The following DTNA variants were observed in gnomAD, a reference collection of about 807,000 sequenced individuals.
DTNA encodes the protein dystrobrevin alpha.
A neutral mutation model predicts 100.7 loss-of-function variants in DTNA; 43 were observed. The observed-to-expected ratio is 0.43, with a 90% CI of 0.33 to 0.55. The LOEUF (loss-of-function observed/expected upper bound fraction) is 0.55, where lower values mean the gene tolerates loss of function less well. Ranked by LOEUF, DTNA falls within the 20% of genes least tolerant of loss-of-function variation. The pLI is 0.04. For synonymous variants in DTNA, 349 were observed against 347.9 expected, an observed-to-expected ratio of 1.00 and a Z score of -0.04; for missense variants, 798 against 953.9, an observed-to-expected ratio of 0.84 and a Z score of 2.15.
At position 34,820,867 on chromosome 18, in the gene DTNA, C is replaced by A. The variant is rs727505085; in HGVS notation, c.953C>A (p.Pro318His). 5.0e-6 allele frequency: 8 copies of A among 1,614,012 alleles called. No homozygotes were observed. The highest frequency in any genetic ancestry group is 6.8e-6 in the Non-Finnish European group (8 of 1,180,002). ...GCTTCCAGCCGTGAACCTTTGCACC[C>A]CATGTTCCCAGATCAGCCTGAGAAG... is the stretch of plus-strand genomic sequence containing the variant. The part of the protein sequence containing the change: ...SCASSREPLH[P>H]MFPDQPEKPL... The change falls in exon 9 of 23, where the codon CCC becomes CAC. Residue 318 changes from proline to histidine, a missense_variant. This residue lies in a region of DTNA where 93 missense variants were observed against 90.5 expected (regional missense o/e 1.03). Transcript: ENST00000444659.
chr18:34,650,002 C>A (rs2060263465), intron 1 of DTNA, among the ~76,000 whole-genome samples: 2 of 151,654 alleles, frequency 1.3e-5, no homozygotes, highest in South Asian at 4.2e-4. Context: ...TAATTCCTGG[C>A]AGGTATTTCA....
intron 1 of DTNA, among the ~76,000 whole-genome samples, chr18:34,723,450 G>C (rs2085833531): frequency 6.6e-6 from 1 of 152,260 alleles, no homozygotes; most frequent in East Asian, 1.9e-4. Context: ...AGGAAATTAT[G>C]TGAAACATAA....
chr18:34,614,104 A>T (rs2054759147), intron 1 of DTNA, among the ~76,000 whole-genome samples: 1 of 152,154 alleles, frequency 6.6e-6, no homozygotes, highest in Non-Finnish European at 1.5e-5. Context: ...TGCTAAATTT[A>T]CTCTGCCTGT....
chr18:34,829,313 G>A, intron 10 of DTNA, 87 bp from the exon 11 acceptor site: 1 of 1,526,520 alleles, frequency 6.6e-7, no homozygotes, highest in South Asian at 1.2e-5. Context: ...CAATAAAGCT[G>A]TGTACACTAA....
chr18:34,881,257 C>T (rs1269801525), intron 20 of DTNA, among the ~76,000 whole-genome samples: 1 of 152,076 alleles, frequency 6.6e-6, no homozygotes, highest in African/African-American at 2.4e-5. Context: ...ATTGTCTAAA[C>T]ATGTACTTGT....
At chr18:34,635,240 T>A (rs766646090) in intron 1 of DTNA, among the ~76,000 whole-genome samples, 24 of 152,222 alleles carry the variant, frequency 1.6e-4, no homozygotes, top group Non-Finnish European at 2.8e-4. Flanking sequence ...TGTGTATATA[T>A]GACACACTTT....
chr18:34,768,070 G>T (rs1398950199), intron 3 of DTNA, among the ~76,000 whole-genome samples: 1 of 152,042 alleles, frequency 6.6e-6, no homozygotes, highest in Non-Finnish European at 1.5e-5. Context: ...ACATCACCCA[G>T]ATTACAAATA....
At chr18:34,825,571 T>C (rs895241338) in intron 9 of DTNA, among the ~76,000 whole-genome samples, 11 of 152,182 alleles carry the variant, frequency 7.2e-5, no homozygotes, top group Admixed American at 2.0e-4. Flanking sequence ...TGCCATTTGA[T>C]TGTGGAAGAA....
At chr18:34,578,528 C>T (rs924377330) in intron 1 of DTNA, among the ~76,000 whole-genome samples, 1 of 151,948 alleles carries the variant, frequency 6.6e-6, no homozygotes, top group Non-Finnish European at 1.5e-5. Flanking sequence ...GGTCCTTGGT[C>T]GTGAAATTCT....
intron 1 of DTNA, among the ~76,000 whole-genome samples, chr18:34,494,311 A>T (rs2038925705): frequency 7.3e-6 from 1 of 137,242 alleles, no homozygotes; most frequent in Non-Finnish European, 1.5e-5. Flanking sequence ...GTTGCAGTGC[A>T]CTGCGGTGCC....
At chr18:34,642,504 CCTTT>C (rs979591384) in intron 1 of DTNA, among the ~76,000 whole-genome samples, 16 of 151,768 alleles carry the variant, frequency 1.1e-4, no homozygotes, top group African/African-American at 2.9e-4. Context: ...TTCCTTCCTT[CCTTT>C]CTTTCTTTCC....
intron 1 of DTNA, among the ~76,000 whole-genome samples, chr18:34,521,746 T>G (rs1464664283): frequency 6.6e-6 from 1 of 152,186 alleles, no homozygotes; most frequent in Non-Finnish European, 1.5e-5. Flanking sequence ...CAGGTCTCTG[T>G]TCACATATCC....
chr18:34,654,524 A>G (rs1323802749), intron 1 of DTNA, among the ~76,000 whole-genome samples: 1 of 152,214 alleles, frequency 6.6e-6, no homozygotes, highest in Non-Finnish European at 1.5e-5. Context: ...TATACTCAGA[A>G]CACACGCAGT....
At chr18:34,745,982 G>T (rs2091508452) in intron 1 of DTNA, among the ~76,000 whole-genome samples, 1 of 152,116 alleles carries the variant, frequency 6.6e-6, no homozygotes, top group Non-Finnish European at 1.5e-5. Flanking sequence ...CAGCCTCTTT[G>T]TTGGGATGCC....
chr18:34,887,174 A>G (rs1381409282), intron 22 of DTNA, among the ~76,000 whole-genome samples: 2 of 152,192 alleles, frequency 1.3e-5, no homozygotes, highest in African/African-American at 2.4e-5. Flanking sequence ...CACTTTCAAC[A>G]TACAATATTA....
chr18:34,563,107 C>G (rs1390599084), intron 1 of DTNA, among the ~76,000 whole-genome samples: 1 of 152,160 alleles, frequency 6.6e-6, no homozygotes, highest in African/African-American at 2.4e-5. Flanking sequence ...TGGAACTACC[C>G]AATGTGACCT....
At chr18:34,744,515 A>G (rs1444528676) in intron 1 of DTNA, among the ~76,000 whole-genome samples, 1 of 152,180 alleles carries the variant, frequency 6.6e-6, no homozygotes. Context: ...ATTTCCTATA[A>G]CACACATAGA....
chr18:34,837,599 C>G (rs2096178821), intron 11 of DTNA, among the ~76,000 whole-genome samples: 1 of 152,120 alleles, frequency 6.6e-6, no homozygotes, highest in South Asian at 2.1e-4. Context: ...TTTGTAGCTC[C>G]ACAGCCAAGA....
chr18:34,530,272 G>A (rs1259292433), intron 1 of DTNA, among the ~76,000 whole-genome samples: 1 of 152,046 alleles, frequency 6.6e-6, no homozygotes, highest in Non-Finnish European at 1.5e-5. Context: ...GTAATGAATG[G>A]TGACACTGTA....
Sources: gnomAD v4.1 joint callset for allele counts (sites outside exome capture counted in the v4.1 genomes callset) on GRCh38, gnomAD v4.1.1 for gene constraint, gnomAD v4.1.1 regional missense constraint, MANE v1.5 for transcripts, NCBI Gene and HGNC (gene_info 2026-07-23, HGNC 2026-07-21) for gene names.